Variants in DYNC2H1 observed in about 807,000 individuals in gnomAD.
The protein encoded by DYNC2H1 is dynein cytoplasmic 2 heavy chain 1.
DYNC2H1 carries 410 observed loss-of-function variants against 570.0 expected under a neutral mutation model. The ratio of observed to expected loss-of-function variants is 0.72; its 90% CI spans 0.66 to 0.78. The LOEUF is 0.78. DYNC2H1 is among the 30% of genes least tolerant of loss of function. DYNC2H1 has a pLI of 0.00. For missense variants in DYNC2H1, 4,865 were observed against 5,046.4 expected (o/e 0.96, Z 1.09); for synonymous variants, 1,688 against 1,677.6 (o/e 1.01, Z -0.15).
intron 83 of DYNC2H1, among the ~76,000 whole-genome samples, chr11:103,365,881 A>G (rs1185909542): frequency 6.6e-6 from 1 of 152,252 alleles, no homozygotes; most frequent in East Asian, 1.9e-4. Context: ...ATCATGAACT[A>G]GTTCGATCAT....
rs187217088 is a variant in DYNC2H1, at chr11:103,231,192, G to A, written c.9354-68G>A. 1.7e-4 allele frequency: 148 copies of A among 878,492 alleles called. No homozygotes were observed. The African/African-American group carries it at 2.3e-3, about 14-fold the overall frequency. The allele number at this position is 878,492 out of a possible 1,614,324, so 54.4% of individuals were successfully genotyped here. ...AATTGTCATATGATTACATTTTAAG[G>A]TGCTGCTGCTGCTTTATAGTTGATA... is the stretch of plus-strand genomic sequence containing the variant. On this transcript the variant is annotated intron_variant, in intron 59 of 88. Transcript: ENST00000375735.
At chr11:103,112,966 T>G (rs1021848487) in intron 1 of DYNC2H1, among the ~76,000 whole-genome samples, 4 of 152,220 alleles carry the variant, frequency 2.6e-5, no homozygotes, top group African/African-American at 9.6e-5. Context: ...TAACAAAGTT[T>G]TATGCTCTTA....
intron 76 of DYNC2H1, among the ~76,000 whole-genome samples, chr11:103,304,128 G>C (rs1164929567): frequency 6.6e-6 from 1 of 152,036 alleles, no homozygotes; most frequent in African/African-American, 2.4e-5. Context: ...AGGGAAAATA[G>C]TTAATAATGA....
At chr11:103,445,631 A>G (rs777204615) in intron 85 of DYNC2H1, among the ~76,000 whole-genome samples, 7 of 152,142 alleles carry the variant, frequency 4.6e-5, no homozygotes, top group Non-Finnish European at 1.0e-4. Context: ...GGAGAGAGAT[A>G]TCAAACGTGA....
chr11:103,408,851 C>T (rs1208548950), intron 84 of DYNC2H1, among the ~76,000 whole-genome samples: 2 of 151,898 alleles, frequency 1.3e-5, no homozygotes, highest in Non-Finnish European at 2.9e-5. Flanking sequence ...CAAGGTCACC[C>T]CAGCCAAAAT....
intron 83 of DYNC2H1, among the ~76,000 whole-genome samples, chr11:103,368,534 TG>T: frequency 6.6e-6 from 1 of 152,178 alleles, no homozygotes; most frequent in East Asian, 1.9e-4. Context: ...TCTCCCATTC[TG>T]TAGGTTAACT....
intron 54 of DYNC2H1, among the ~76,000 whole-genome samples, chr11:103,214,691 T>C (rs3016440): frequency 0.76 from 114,850 of 151,730 alleles, 43,983 homozygotes; most frequent in Admixed American, 0.83. Flanking sequence ...GATCCACCCA[T>C]CTCAGCCTCC....
intron 78 of DYNC2H1, among the ~76,000 whole-genome samples, chr11:103,309,166 C>CTCTTTTTTTTTTTT (rs1274431520): frequency 1.8e-5 from 1 of 56,542 alleles, no homozygotes. Flanking sequence ...TAACTGCATG[C>CTCTTTTTTTTTTTT]TATTTTTTTT....
chr11:103,193,881 A>G (rs11225592), intron 47 of DYNC2H1, among the ~76,000 whole-genome samples: 7,570 of 152,238 alleles, frequency 0.05, 254 homozygotes, highest in Non-Finnish European at 0.072. Flanking sequence ...TTTGACATAT[A>G]TTAGATCTAG....
intron 85 of DYNC2H1, 79 bp from the exon 86 acceptor site, chr11:103,455,107 T>C (rs991649594): frequency 1.4e-5 from 14 of 981,406 alleles, no homozygotes; most frequent in Admixed American, 2.5e-5. Context: ...TGAATTACTT[T>C]CTTATTGAAA....
Position 103,189,483 on chromosome 11 carries a change from G to A in DYNC2H1, c.7293-189G>A, listed in dbSNP as rs967188101. On this transcript the variant is annotated intron_variant, in intron 44 of 88. Coordinates refer to ENST00000375735, the MANE Select transcript of DYNC2H1 (RefSeq NM_001377.3). The surrounding 1 kb of genome is among the most constrained non-coding windows in gnomAD (Gnocchi z 4.3). Reference sequence around the variant, plus strand: ...CTGGTATTTGACAATAGATATTTCGGGATCGAATTTGGTTGAAATGAGAAT... The same window carrying A: ...CTGGTATTTGACAATAGATATTTCGAGATCGAATTTGGTTGAAATGAGAAT... Among the ~76,000 whole-genome samples the A allele has an allele frequency of 7.2e-5, 11 of 152,018 alleles. No individual in the cohort carries two copies. The highest frequency in any genetic ancestry group is 1.3e-4 in the Non-Finnish European group (9 of 68,004).
chr11:103,316,474 GAC>G, intron 79 of DYNC2H1, 69 bp from the exon 80 acceptor site: 2 of 1,014,662 alleles, frequency 2.0e-6, no homozygotes, highest in Non-Finnish European at 2.8e-6. Flanking sequence ...TTAATTTAAA[GAC>G]AGTGATACAT....
At chr11:103,211,330 T>G (rs573439069) in intron 53 of DYNC2H1, among the ~76,000 whole-genome samples, 1 of 152,096 alleles carries the variant, frequency 6.6e-6, no homozygotes, top group Non-Finnish European at 1.5e-5. Flanking sequence ...ATATTGAATC[T>G]AGTGTGAACT....
Position 103,354,406 on chromosome 11 carries a change from C to T in DYNC2H1, c.12040-3837C>T, listed in dbSNP as rs186444251. On this transcript the variant is annotated intron_variant, in intron 82 of 88. Coordinates refer to ENST00000375735, the MANE Select transcript of DYNC2H1 (RefSeq NM_001377.3). ...TAATGTGCCATCCTTCCATACAATA[C>T]GGTGATTTAGAATGCTGTAACTCTG... Among the ~76,000 whole-genome samples, 33 of 152,020 alleles carry T rather than the reference C, an allele frequency of 2.2e-4. No individual in the cohort carries two copies. The East Asian group carries it at 3.5e-3, about 16-fold the overall frequency.
In DYNC2H1 at chr11:103,186,521, AGGTATATGTTGTGGATT is replaced by A. The variant is rs1481317977; in HGVS notation, c.6893+21_6893+37del. 1.2e-6 allele frequency: 2 copies of A among 1,602,158 alleles called. No homozygotes were observed. The highest frequency in any genetic ancestry group is 4.5e-5 in the East Asian group (2 of 44,702). On this transcript the variant is annotated intron_variant, in intron 42 of 88. Transcript: ENST00000375735. The surrounding 1 kb of genome is among the most constrained non-coding windows in gnomAD (Gnocchi z 4.5). ...CAAAGGGTAAGAAAAATATTGGCAAAGGTATATGTTGTGGATTTATTCCTGCCGCCCCTAATTGATTT... is the reference window on the plus strand; with the variant it reads ...CAAAGGGTAAGAAAAATATTGGCAAATATTCCTGCCGCCCCTAATTGATTT...
intron 17 of DYNC2H1, among the ~76,000 whole-genome samples, chr11:103,142,379 A>G (rs1048444234): frequency 6.6e-6 from 1 of 151,420 alleles, no homozygotes; most frequent in Non-Finnish European, 1.5e-5. Context: ...TAGTTGTGTC[A>G]TCTTGGTGGG....
chr11:103,323,252 G>A (rs1938305098), intron 81 of DYNC2H1, among the ~76,000 whole-genome samples: 1 of 152,182 alleles, frequency 6.6e-6, no homozygotes, highest in Non-Finnish European at 1.5e-5. Context: ...GTGAGTAACT[G>A]TTGAAATGAA....
chr11:103,197,039 A>G (rs1448038481), intron 47 of DYNC2H1, among the ~76,000 whole-genome samples: 1 of 152,110 alleles, frequency 6.6e-6, no homozygotes, highest in Non-Finnish European at 1.5e-5. Context: ...TAGAATGATG[A>G]ATAGACTTTC....
intron 34 of DYNC2H1, among the ~76,000 whole-genome samples, chr11:103,171,456 A>T (rs1861567786): frequency 6.6e-6 from 1 of 152,048 alleles, no homozygotes; most frequent in African/African-American, 2.4e-5. Flanking sequence ...GGGTTTGATC[A>T]TGTTGGCTAG....
Sources: gnomAD v4.1 joint callset for allele counts (sites outside exome capture counted in the v4.1 genomes callset) on GRCh38, gnomAD v4.1.1 for gene constraint, Gnocchi (gnomAD v3.1) non-coding constraint, MANE v1.5 for transcripts, NCBI Gene and HGNC (gene_info 2026-07-23, HGNC 2026-07-21) for gene names.